The following NF1 variants were observed in gnomAD, a reference collection of about 807,000 sequenced individuals.
NF1 encodes neurofibromin.
NF1 carries 122 observed loss-of-function variants against 325.7 expected under a neutral mutation model. The observed-to-expected ratio is 0.37, with a 90% CI of 0.32 to 0.44. The LOEUF is 0.44. NF1 is among the 20% of genes least tolerant of loss of function. NF1 has a pLI of 1.00. For synonymous variants in NF1, 1,091 were observed against 1,186.0 expected, an observed-to-expected ratio of 0.92 and a Z score of 1.65; for missense variants, 2,140 against 3,415.4, an observed-to-expected ratio of 0.63 and a Z score of 9.31.
chr17:31,311,828 ACT>A (rs1332172441), intron 36 of NF1, among the ~76,000 whole-genome samples: 2 of 152,174 alleles, frequency 1.3e-5, no homozygotes, highest in Non-Finnish European at 2.9e-5. Context: ...TATGTGCTAT[ACT>A]GCCTTTCATA....
chr17:31,251,726 T>A (rs1490608123), intron 30 of NF1: 1 of 201,360 alleles, frequency 5.0e-6, no homozygotes, highest in African/African-American at 2.3e-5. Context: ...TACATTTGTA[T>A]ATAGTCTAAA....
At chr17:31,155,062 C>T (rs2065635100) in intron 1 of NF1, among the ~76,000 whole-genome samples, 1 of 152,100 alleles carries the variant, frequency 6.6e-6, no homozygotes, top group Admixed American at 6.6e-5. Flanking sequence ...AATAATCGTC[C>T]ATTATTAACT....
At chr17:31,236,201 G>T (rs76889444) in intron 29 of NF1, among the ~76,000 whole-genome samples, 180 bp downstream of exon 29, 1 of 151,408 alleles carries the variant, frequency 6.6e-6, no homozygotes, top group Non-Finnish European at 1.5e-5. Context: ...TTTTTTTAAG[G>T]TATCCTTTTA....
chr17:31,152,055 C>T (rs944790648), intron 1 of NF1, among the ~76,000 whole-genome samples: 8 of 152,028 alleles, frequency 5.3e-5, no homozygotes, highest in African/African-American at 1.9e-4. Flanking sequence ...ACGACAGGCC[C>T]CGGTGTGTGA....
chr17:31,202,434 G>T (rs998516026), intron 11 of NF1, among the ~76,000 whole-genome samples: 5 of 152,118 alleles, frequency 3.3e-5, no homozygotes, highest in African/African-American at 1.2e-4. Context: ...AATAAATACT[G>T]CCCATATTCT....
chr17:31,100,616 C>T (rs1009246059), intron 1 of NF1, among the ~76,000 whole-genome samples: 18 of 152,114 alleles, frequency 1.2e-4, no homozygotes, highest in African/African-American at 4.1e-4. Context: ...GTCGCCCAGG[C>T]TGGAGTGCAG....
chr17:31,261,680 A>AT, intron 34 of NF1, 31 bp from the exon 35 acceptor site: 6 of 1,611,142 alleles, frequency 3.7e-6, no homozygotes, highest in Non-Finnish European at 5.1e-6. Context: ...TGAACTGCTA[A>AT]TTTTTTTTCT....
chr17:31,156,805 A>G (rs193083185), intron 2 of NF1, among the ~76,000 whole-genome samples: 2 of 152,284 alleles, frequency 1.3e-5, no homozygotes, highest in African/African-American at 2.4e-5. Context: ...ACCTTTGAAC[A>G]TATAACATCT....
intron 38 of NF1, among the ~76,000 whole-genome samples, chr17:31,329,660 G>GT (rs2069432651): frequency 6.6e-6 from 1 of 152,084 alleles, no homozygotes; most frequent in Admixed American, 6.6e-5. Flanking sequence ...GGATATTATA[G>GT]TTTTTTTCCA....
At chr17:31,111,954 T>C (rs1450374632) in intron 1 of NF1, among the ~76,000 whole-genome samples, 2 of 152,162 alleles carry the variant, frequency 1.3e-5, no homozygotes, top group African/African-American at 2.4e-5. Context: ...TAAGGTAAAA[T>C]TGCCATCCAA....
intron 1 of NF1, among the ~76,000 whole-genome samples, chr17:31,104,780 A>C (rs17878848): frequency 6.6e-6 from 1 of 152,246 alleles, no homozygotes; most frequent in African/African-American, 2.4e-5. Flanking sequence ...GATATAAACT[A>C]TAACTGCTGT....
At chr17:31,231,964 A>G (rs2067118943) in intron 24 of NF1, 109 bp from the exon 25 acceptor site, 1 of 661,138 alleles carries the variant, frequency 1.5e-6, no homozygotes, top group Non-Finnish European at 2.6e-6. Context: ...TGAAATAGGT[A>G]GTTCCTAAGG....
Position 31,296,218 on chromosome 17 carries a change from A to G in NF1, c.4836-29602A>G, listed in dbSNP as rs751022857. 6.8e-6 allele frequency: 11 copies of G among 1,614,026 alleles called. No individual in the cohort carries two copies. The African/African-American group carries it at 1.3e-4, about 20-fold the overall frequency. ...ACAAGTTTCTGCCTGAACAGTCCAC[A>G]TGCCTGTGCCTCTCTGTGCATATAC... is the stretch of plus-strand genomic sequence containing the variant. On this transcript the variant is annotated intron_variant, in intron 36 of 57. Coordinates refer to ENST00000358273, the MANE Select transcript of NF1 (RefSeq NM_001042492.3).
intron 36 of NF1, among the ~76,000 whole-genome samples, chr17:31,311,882 G>A (rs1474529068): frequency 2.0e-5 from 3 of 152,198 alleles, no homozygotes; most frequent in Non-Finnish European, 2.9e-5. Context: ...GGAAGGAGAT[G>A]TGAGTTGGTG....
chr17:31,259,628 T>C (rs1306324819), intron 33 of NF1, among the ~76,000 whole-genome samples: 2 of 152,220 alleles, frequency 1.3e-5, no homozygotes, highest in Non-Finnish European at 2.9e-5. Context: ...AGAAAACTTT[T>C]CTGCTAGATT....
intron 55 of NF1, 90 bp downstream of exon 55, chr17:31,358,712 G>A: frequency 6.7e-7 from 1 of 1,498,258 alleles, no homozygotes; most frequent in Non-Finnish European, 9.3e-7. Flanking sequence ...TTCTTTATAA[G>A]GGATAGACTT....
chr17:31,338,367 G>A (rs1025345555), intron 45 of NF1, among the ~76,000 whole-genome samples: 4 of 152,158 alleles, frequency 2.6e-5, no homozygotes, highest in African/African-American at 4.8e-5. Flanking sequence ...TAAGGAAGAT[G>A]TCTTTAAAAT....
rs17879231 is a variant in NF1 at position 31,336,004 on chromosome 17, A to G, written c.6007-329A>G. On this transcript the variant is annotated intron_variant, in intron 40 of 57. Transcript: ENST00000358273. The surrounding 1 kb of genome is among the most constrained non-coding windows in gnomAD (Gnocchi z 5.5). The stretch of plus-strand genomic sequence containing the variant: ...ACTGCACCCAGCTCTGTATTTTCAA[A>G]TTACTATTTTATATTGATGCTACAT... Among the ~76,000 whole-genome samples, 730 of 151,972 alleles carry G rather than the reference A, an allele frequency of 4.8e-3. 4 individuals carry two copies. The highest frequency in any genetic ancestry group is 0.015 in the Admixed American group (227 of 15,236).
chr17:31,155,909 A>G (rs2143623533), intron 1 of NF1, 74 bp from the exon 2 acceptor site: 1 of 1,533,458 alleles, frequency 6.5e-7, no homozygotes, highest in East Asian at 2.3e-5. Flanking sequence ...CATGATTTTC[A>G]ATGGCAAGTA....
Sources: gnomAD v4.1 joint callset for allele counts (sites outside exome capture counted in the v4.1 genomes callset) on GRCh38, gnomAD v4.1.1 for gene constraint, Gnocchi (gnomAD v3.1) non-coding constraint, MANE v1.5 for transcripts, NCBI Gene and HGNC (gene_info 2026-07-23, HGNC 2026-07-21) for gene names.